MYPN: variants seen among roughly 807,000 people sequenced by gnomAD.
MYPN encodes myopalladin, also known as sarcomeric protein myopalladin, 145 kDa (MYOP).
MYPN carries 63 observed loss-of-function variants against 129.4 expected under a neutral mutation model. That is an observed-to-expected ratio of 0.49 (90% confidence interval 0.40 to 0.60). The LOEUF is 0.60. MYPN is among the 20% of genes least tolerant of loss of function. MYPN has a pLI of 0.00. For missense variants in MYPN, 1,596 were observed against 1,635.4 expected, an observed-to-expected ratio of 0.98 and a Z score of 0.42; for synonymous variants, 629 against 600.9, an observed-to-expected ratio of 1.05 and a Z score of -0.68.
chr10:68,109,412 A>C, upstream of MYPN: 1 of 424,938 alleles, frequency 2.4e-6, no homozygotes, highest in Non-Finnish European at 4.7e-6. Context: ...CCCTTTGCTC[A>C]GTTTTCTCCT....
At chr10:68,181,988 C>A (rs1402576679) in intron 12 of MYPN, among the ~76,000 whole-genome samples, 1 of 151,962 alleles carries the variant, frequency 6.6e-6, no homozygotes, top group Middle Eastern at 3.2e-3. Flanking sequence ...TCTCCAAAGT[C>A]CTCTTGCTGG....
At position 68,211,228 on chromosome 10, in the gene MYPN, C is replaced by T; in HGVS notation, c.*773C>T. The T allele has an allele frequency of 2.2e-6, 1 of 454,020 alleles. No individual in the cohort carries two copies. The highest frequency in any genetic ancestry group is 4.4e-6 in the Non-Finnish European group (1 of 226,768). 28.1% of individuals were successfully genotyped at this position (454,020 alleles called of 1,614,324 possible). A position where few individuals can be genotyped will look rare whatever the true frequency, so the allele number is the denominator to read the frequency against. ...CTAGAACTAAAGGATTGGTAATAAACCAATCAGAAAGAAATCCTCTGTGGG... is the reference window on the plus strand; with the variant it reads ...CTAGAACTAAAGGATTGGTAATAAATCAATCAGAAAGAAATCCTCTGTGGG... On this transcript the variant is annotated 3_prime_UTR_variant, in exon 20 of 20. Coordinates refer to ENST00000358913, the MANE Select transcript of MYPN (RefSeq NM_032578.4).
At chr10:68,140,623 T>C (rs1426739096) in intron 2 of MYPN, among the ~76,000 whole-genome samples, 1 of 152,060 alleles carries the variant, frequency 6.6e-6, no homozygotes, top group Admixed American at 6.6e-5. Context: ...CTTATATTTG[T>C]AGTAGCTGAA....
At chr10:68,209,615 G>C (rs532853400) in intron 19 of MYPN, among the ~76,000 whole-genome samples, 1 of 146,656 alleles carries the variant, frequency 6.8e-6, no homozygotes, top group Non-Finnish European at 1.5e-5. Flanking sequence ...GCTGGAAGGG[G>C]ATAAGCTTGA....
upstream of MYPN, among the ~76,000 whole-genome samples, chr10:68,104,011 G>A (rs956532013): frequency 2.1e-4 from 32 of 152,288 alleles, no homozygotes; most frequent in Middle Eastern, 6.8e-3. Flanking sequence ...TAACTCACTG[G>A]TTGGGTAACT....
chr10:68,182,471 T>TACAC (rs71009019), intron 12 of MYPN, among the ~76,000 whole-genome samples: 14,026 of 99,292 alleles, frequency 0.14, 1,317 homozygotes, highest in Middle Eastern at 0.28. Flanking sequence ...ATAACATATA[T>TACAC]ACACACACAC....
rs200952301 is a variant in MYPN, at chr10:68,193,133, G to GT, written c.2926-1221dup. Among the ~76,000 whole-genome samples the GT allele has an allele frequency of 5.4e-3, 810 of 149,184 alleles. 14 individuals carry two copies. Among genetic ancestry groups the GT allele is most frequent in the Admixed American group, 0.044 (654 of 14,954 alleles). Reference sequence around the variant, plus strand: ...GCTAATTTATTTGGAGTCTTTCTGGGTTTTTTTTTATGTAGGTATTTATTG... The same window carrying GT: ...GCTAATTTATTTGGAGTCTTTCTGGGTTTTTTTTTTATGTAGGTATTTATTG... On this transcript the variant is annotated intron_variant, in intron 13 of 19. Coordinates refer to ENST00000358913, the MANE Select transcript of MYPN (RefSeq NM_032578.4).
Position 68,211,805 on chromosome 10 carries a change from C to G in MYPN, c.*1350C>G, listed in dbSNP as rs767047177. The G allele has an allele frequency of 2.2e-6, 1 of 454,128 alleles. No individual in the cohort carries two copies. The highest frequency in any genetic ancestry group is 1.6e-5 in the South Asian group (1 of 64,478). 28.1% of individuals were successfully genotyped at this position (454,128 alleles called of 1,614,324 possible). A position where few individuals can be genotyped will look rare whatever the true frequency, so the allele number is the denominator to read the frequency against. ...AACACTGCCCTGGGAATGCTCATCA[C>G]AGCACAGTTTGCTCTAGGCTGTGCA... On this transcript the variant is annotated 3_prime_UTR_variant, in exon 20 of 20. Transcript: ENST00000358913.
chr10:68,119,288 A>T (rs970018917), intron 1 of MYPN, among the ~76,000 whole-genome samples: 1 of 152,132 alleles, frequency 6.6e-6, no homozygotes, highest in African/African-American at 2.4e-5. Flanking sequence ...TAATTAACTA[A>T]TTTCTTATTA....
At chr10:68,132,416 G>C (rs1308037261) in intron 2 of MYPN, among the ~76,000 whole-genome samples, 2 of 152,048 alleles carry the variant, frequency 1.3e-5, no homozygotes, top group Admixed American at 1.3e-4. Flanking sequence ...TTGCATTTTT[G>C]TTCAAGTACA....
intron 12 of MYPN, among the ~76,000 whole-genome samples, chr10:68,178,700 G>A (rs1454055117): frequency 1.6e-5 from 2 of 123,834 alleles, no homozygotes; most frequent in Non-Finnish European, 3.4e-5. Context: ...GTGACAGAGC[G>A]AGACTCTGCC....
intron 5 of MYPN, 33 bp from the exon 6 acceptor site, chr10:68,150,007 A>G: frequency 6.4e-7 from 1 of 1,572,700 alleles, no homozygotes; most frequent in Non-Finnish European, 8.8e-7. Context: ...AATATTAGTA[A>G]CAATGAATTT....
chr10:68,172,271 C>G (rs1472325896), intron 10 of MYPN, among the ~76,000 whole-genome samples: 7 of 152,148 alleles, frequency 4.6e-5, no homozygotes, highest in Admixed American at 4.6e-4. Flanking sequence ...AGGAGGATCA[C>G]TTGAACTCAG....
chr10:68,118,139 G>T (rs1167196838), intron 1 of MYPN, among the ~76,000 whole-genome samples: 1 of 151,424 alleles, frequency 6.6e-6, no homozygotes, highest in African/African-American at 2.4e-5. Context: ...ACCTCAATTG[G>T]CTTCTTTTCT....
At chr10:68,207,182 C>G (rs916929239) in intron 19 of MYPN, among the ~76,000 whole-genome samples, 16 of 152,184 alleles carry the variant, frequency 1.1e-4, no homozygotes, top group African/African-American at 3.9e-4. Flanking sequence ...TGGTTGAACC[C>G]AGGAGGCAGA....
At position 68,166,512 on chromosome 10, in the gene MYPN, AAAGG is replaced by A; in HGVS notation, c.1823_1826del (p.Gly608ValfsTer10). On this transcript the variant is annotated frameshift_variant, in exon 10 of 20. Transcript: ENST00000358913. LOFTEE classifies it high-confidence loss of function. ...GCACTTCAACCTGCCTGAAGATGAC[AAAGG>A]AAGTGAAGCATCCTCCGAGGCTGGT... The A allele has an allele frequency of 1.2e-6, 2 of 1,614,158 alleles. No homozygotes were observed. Among genetic ancestry groups the A allele is most frequent in the Non-Finnish European group, 1.7e-6 (2 of 1,180,018 alleles).
At chr10:68,191,497 C>T (rs945426348) in intron 13 of MYPN, among the ~76,000 whole-genome samples, 2 of 152,168 alleles carry the variant, frequency 1.3e-5, no homozygotes, top group African/African-American at 2.4e-5. Flanking sequence ...GGAATACAGG[C>T]GTGAGCCACC....
chr10:68,150,485 G>A (rs540218262), intron 6 of MYPN, among the ~76,000 whole-genome samples: 27 of 152,300 alleles, frequency 1.8e-4, no homozygotes, highest in African/African-American at 5.5e-4. Flanking sequence ...AGGAGATGGA[G>A]TTAAATGCTC....
rs776844468 is a variant in MYPN at position 68,199,505 on chromosome 10, A to C, written c.3423A>C (p.Ala1141=). 1 of 1,614,194 alleles carries C rather than the reference A, an allele frequency of 6.2e-7. No homozygotes were observed. Among genetic ancestry groups the C allele is most frequent in the African/African-American group, 1.3e-5 (1 of 75,036 alleles). Residue 1141 remains alanine, a synonymous_variant, in exon 17 of 20, where the codon GCA becomes GCC. Transcript: ENST00000358913. ...LLIDPLTQRD[A]GTYKCIATNK... ...TTGACCCACTCACTCAGCGCGACGC[A>C]GGGACCTATAAGTGCATCGCTACCA...
Sources: allele counts gnomAD v4.1 joint callset (sites outside exome capture counted in the v4.1 genomes callset), GRCh38; gene constraint gnomAD v4.1.1; transcripts MANE v1.5; gene names NCBI Gene and HGNC (gene_info 2026-07-23, HGNC 2026-07-21).